PRKCE: variants seen among roughly 807,000 people sequenced by gnomAD.
PRKCE encodes protein kinase C epsilon type.
Under a neutral mutation model 85.4 loss-of-function variants are expected in PRKCE, and 16 were observed. The observed-to-expected ratio is 0.19, with a 90% CI of 0.13 to 0.28. The LOEUF (loss-of-function observed/expected upper bound fraction) is 0.28. PRKCE is among the 10% of genes least tolerant of loss of function. The probability of loss-of-function intolerance (pLI) is 1.00; values close to 1 mark genes in which losing one functional copy is unlikely to be tolerated. For synonymous variants in PRKCE, 388 were observed against 371.5 expected (o/e 1.04, Z -0.51); for missense variants, 573 against 975.2 (o/e 0.59, Z 5.49).
At chr2:45,870,420 G>T (rs75375001) in intron 2 of PRKCE, among the ~76,000 whole-genome samples, 2,780 of 152,288 alleles carry the variant, frequency 0.018, 80 homozygotes, top group African/African-American at 0.064. Context: ...AGGTATAACT[G>T]GGGGGAGAAC....
intron 1 of PRKCE, among the ~76,000 whole-genome samples, chr2:45,732,119 C>A (rs1415828542): frequency 6.6e-6 from 1 of 152,014 alleles, no homozygotes; most frequent in Non-Finnish European, 1.5e-5. Context: ...GTCATGTGAA[C>A]CTCAGTATAA....
chr2:46,058,631 C>G (rs977327831), intron 10 of PRKCE, among the ~76,000 whole-genome samples: 1 of 152,142 alleles, frequency 6.6e-6, no homozygotes, highest in Non-Finnish European at 1.5e-5. Context: ...ACCATCAAGA[C>G]AGGCCTCGAC....
chr2:45,923,027 G>A (rs1698366181), intron 2 of PRKCE, among the ~76,000 whole-genome samples: 2 of 152,194 alleles, frequency 1.3e-5, no homozygotes, highest in Non-Finnish European at 2.9e-5. Context: ...CACACCTTCT[G>A]TAGAGCCAAA....
rs20462 is a variant in PRKCE, at chr2:45,748,758, A to G, written c.349-94242A>G. ...GGAAGGGATGATGCTCCTGCCCTGAAGGAGTAGCCCCTACAGGTGCTAGAC... is the reference window on the plus strand; with the variant it reads ...GGAAGGGATGATGCTCCTGCCCTGAGGGAGTAGCCCCTACAGGTGCTAGAC... On this transcript the variant is annotated intron_variant, in intron 1 of 14. Transcript: ENST00000306156. 3.7e-4 allele frequency among the ~76,000 whole-genome samples: 56 copies of G among 152,334 alleles called. 2 individuals carry two copies. The East Asian group carries it at 9.3e-3, about 25-fold the overall frequency.
At chr2:45,987,440 C>T (rs1456310338) in intron 6 of PRKCE, among the ~76,000 whole-genome samples, 1 of 152,180 alleles carries the variant, frequency 6.6e-6, no homozygotes, top group Non-Finnish European at 1.5e-5. Flanking sequence ...TGCTGCTGTT[C>T]TGTGACCCTC....
intron 14 of PRKCE, among the ~76,000 whole-genome samples, chr2:46,167,172 G>C (rs1678418833): frequency 1.3e-5 from 2 of 152,168 alleles, no homozygotes; most frequent in Non-Finnish European, 2.9e-5. Flanking sequence ...GATGTTTGGA[G>C]GCTGGGCTTT....
rs528938883 is a variant in PRKCE at position 45,652,627 on chromosome 2, G to C, written c.348+179G>C. ...CATAGTTGGGGAGAAACAGGCATTG[G>C]CGAGGAAGATGAGACTTGGAAAGAG... On this transcript the variant is annotated intron_variant, in intron 1 of 14. Coordinates refer to ENST00000306156, the MANE Select transcript of PRKCE (RefSeq NM_005400.3). This position sits in a 1 kb window ranked among gnomAD's most constrained non-coding sequence, Gnocchi z 7.7. Among the ~76,000 whole-genome samples, 2 of 152,346 alleles carry C rather than the reference G, an allele frequency of 1.3e-5. No homozygotes were observed. The highest frequency in any genetic ancestry group is 4.8e-5 in the African/African-American group (2 of 41,594).
chr2:46,104,295 A>AC (rs1671506276), intron 11 of PRKCE, among the ~76,000 whole-genome samples: 1 of 57,678 alleles, frequency 1.7e-5, no homozygotes, highest in African/African-American at 5.5e-5. Flanking sequence ...TTCACCTTGT[A>AC]CTTTTTTTTT....
chr2:46,095,563 A>C (rs138626057), intron 11 of PRKCE, among the ~76,000 whole-genome samples: 2 of 152,348 alleles, frequency 1.3e-5, no homozygotes, highest in Non-Finnish European at 2.9e-5. Context: ...TCTCCAGAGT[A>C]ACTGTTACTG....
At chr2:45,926,158 A>G (rs1368820397) in intron 2 of PRKCE, among the ~76,000 whole-genome samples, 2 of 152,230 alleles carry the variant, frequency 1.3e-5, no homozygotes, top group African/African-American at 4.8e-5. Context: ...AAAGTTGGCA[A>G]GCATGAATTT....
At chr2:46,085,576 T>C (rs1669525451) in intron 10 of PRKCE, among the ~76,000 whole-genome samples, 1 of 115,486 alleles carries the variant, frequency 8.7e-6, no homozygotes, top group Non-Finnish European at 1.8e-5. Flanking sequence ...TTCACTCCAA[T>C]CTCTGCCTCT....
chr2:45,824,053 A>G (rs1689746220), intron 1 of PRKCE, among the ~76,000 whole-genome samples: 1 of 152,162 alleles, frequency 6.6e-6, no homozygotes, highest in Non-Finnish European at 1.5e-5. Flanking sequence ...CTGCAGTTCC[A>G]TCCTGTGTAG....
At chr2:46,104,335 CATG>C (rs1671518605) in intron 11 of PRKCE, among the ~76,000 whole-genome samples, 2 of 117,578 alleles carry the variant, frequency 1.7e-5, no homozygotes, top group Non-Finnish European at 3.5e-5. Flanking sequence ...CAATCTCTTT[CATG>C]ATTTTCTTGA....
intron 1 of PRKCE, among the ~76,000 whole-genome samples, chr2:45,671,413 A>G (rs917427004): frequency 2.6e-5 from 4 of 152,240 alleles, no homozygotes; most frequent in African/African-American, 9.6e-5. Context: ...CACTAGGTAC[A>G]GGAGGCCTAG....
intron 1 of PRKCE, among the ~76,000 whole-genome samples, chr2:45,752,229 T>C (rs1176147358): frequency 6.6e-6 from 1 of 152,250 alleles, no homozygotes; most frequent in African/African-American, 2.4e-5. Flanking sequence ...TTAATTTTAT[T>C]CCTGCTATGA....
chr2:45,924,977 A>G (rs1698504886), intron 2 of PRKCE, among the ~76,000 whole-genome samples: 1 of 152,198 alleles, frequency 6.6e-6, no homozygotes, highest in African/African-American at 2.4e-5. Flanking sequence ...GCCTGCAGAC[A>G]TCAAGGGCTG....
intron 10 of PRKCE, among the ~76,000 whole-genome samples, chr2:46,049,475 C>T (rs763063394): frequency 5.3e-5 from 8 of 152,206 alleles, no homozygotes; most frequent in Non-Finnish European, 8.8e-5. Flanking sequence ...GCCCTTTACA[C>T]GCACATCTTG....
chr2:45,836,259 G>T (rs1030357770), intron 1 of PRKCE, among the ~76,000 whole-genome samples: 2 of 152,176 alleles, frequency 1.3e-5, no homozygotes, highest in Admixed American at 1.3e-4. Flanking sequence ...TGAGAAAAAC[G>T]ATCTGCCCCT....
chr2:45,755,295 C>CTATTTGCTATTATTG (rs1683911022), intron 1 of PRKCE, among the ~76,000 whole-genome samples: 1 of 152,200 alleles, frequency 6.6e-6, no homozygotes, highest in African/African-American at 2.4e-5. Flanking sequence ...ATTTGGTATA[C>CTATTTGCTATTATTG]AGTGGCACTC....
Sources: allele counts gnomAD v4.1 joint callset (sites outside exome capture counted in the v4.1 genomes callset), GRCh38; gene constraint gnomAD v4.1.1; non-coding constraint Gnocchi (gnomAD v3.1); transcripts MANE v1.5; gene names NCBI Gene and HGNC (gene_info 2026-07-23, HGNC 2026-07-21).